The following LAMA3 variants were observed in gnomAD, a reference collection of about 807,000 sequenced individuals.
LAMA3 encodes the protein laminin subunit alpha-3.
Under a neutral mutation model 402.0 loss-of-function variants are expected in LAMA3, and 281 were observed. The observed-to-expected ratio is 0.70, with a 90% confidence interval of 0.63 to 0.77. The LOEUF is 0.77. Among genes scored for constraint, LAMA3 ranks in the 30% least tolerant of loss-of-function variants. LAMA3 has a pLI of 0.00. For missense variants in LAMA3, 3,840 were observed against 4,215.5 expected (o/e 0.91, Z 2.47); for synonymous variants, 1,431 against 1,558.4 (o/e 0.92, Z 1.93).
At chr18:23,822,689 G>A (rs573806107) in intron 20 of LAMA3, among the ~76,000 whole-genome samples, 4 of 152,334 alleles carry the variant, frequency 2.6e-5, no homozygotes, top group East Asian at 3.9e-4. Context: ...TCACAGTGAC[G>A]AGGGTGTCAC....
At chr18:23,804,845 C>T (rs376263332) in intron 12 of LAMA3, among the ~76,000 whole-genome samples, 3 of 152,260 alleles carry the variant, frequency 2.0e-5, no homozygotes, top group African/African-American at 7.2e-5. Flanking sequence ...GATACCTCCC[C>T]CTACCTTGCT....
chr18:23,901,484 A>G (rs926904519), intron 48 of LAMA3, among the ~76,000 whole-genome samples, 161 bp downstream of exon 48: 2 of 152,214 alleles, frequency 1.3e-5, no homozygotes, highest in Non-Finnish European at 2.9e-5. Flanking sequence ...GTGCAAAACC[A>G]TAGTTGTTTC....
intron 67 of LAMA3, among the ~76,000 whole-genome samples, chr18:23,937,323 G>T (rs145605041): frequency 8.1e-4 from 112 of 138,920 alleles, no homozygotes; most frequent in African/African-American, 3.0e-3. Context: ...CTGAGATCGC[G>T]CCACTGCACT....
At chr18:23,939,430 C>A (rs1339484057) in intron 68 of LAMA3, 44 bp downstream of exon 68, 2 of 1,591,346 alleles carry the variant, frequency 1.3e-6, no homozygotes, top group Admixed American at 1.7e-5. Flanking sequence ...CAGAACCTGA[C>A]TCTGCGATTC....
chr18:23,768,768 A>G (rs193280501), intron 8 of LAMA3, among the ~76,000 whole-genome samples: 1 of 152,364 alleles, frequency 6.6e-6, no homozygotes, highest in East Asian at 1.9e-4. Context: ...TTGGATAAAG[A>G]AAATGTGGTA....
At chr18:23,820,319 G>T (rs1398218506) in intron 19 of LAMA3, among the ~76,000 whole-genome samples, 2 of 152,154 alleles carry the variant, frequency 1.3e-5, no homozygotes, top group Non-Finnish European at 2.9e-5. Flanking sequence ...CCTAAATGAC[G>T]TTAGGCTGTA....
chr18:23,881,943 A>G lies in LAMA3; in HGVS notation c.5120A>G (p.Gln1707Arg), dbSNP rs138168899. ...CTGTTCACCTGTCCCCAGAACTGTCAGCACAACACCGCGGGAGAGCACTGT... is the reference window on the plus strand; with the variant it reads ...CTGTTCACCTGTCCCCAGAACTGTCGGCACAACACCGCGGGAGAGCACTGT... ...QDGSGICVNC[Q>R]HNTAGEHCER... The change falls in exon 40 of 75, where the codon CAG (glutamine) becomes CGG (arginine). Residue 1707 changes from glutamine (Q) to arginine (R), a missense_variant. Physicochemically the swap from Gln to Arg is conservative, Grantham distance 43. This residue lies in a region of LAMA3 where 2,109 missense variants were observed against 2,376.0 expected (regional missense o/e 0.89). Coordinates refer to ENST00000313654, the MANE Select transcript of LAMA3 (RefSeq NM_198129.4). 1.1e-4 allele frequency: 179 copies of G among 1,613,018 alleles called. No individual in the cohort carries two copies. In the African/African-American group the frequency reaches 2.2e-3, roughly 20 times the overall value.
chr18:23,785,192 C>T (rs374411788), intron 12 of LAMA3, among the ~76,000 whole-genome samples: 21 of 152,308 alleles, frequency 1.4e-4, no homozygotes, highest in Admixed American at 4.6e-4. Context: ...TATTTCCCAT[C>T]GGTCTAATCT....
intron 1 of LAMA3, among the ~76,000 whole-genome samples, chr18:23,701,106 G>C (rs2060782888): frequency 6.6e-6 from 1 of 152,244 alleles, no homozygotes; most frequent in Admixed American, 6.5e-5. Flanking sequence ...GCGGAGATTA[G>C]GAGAATGAGG....
intron 64 of LAMA3, among the ~76,000 whole-genome samples, chr18:23,929,899 A>T (rs1166403502): frequency 2.6e-5 from 4 of 152,214 alleles, no homozygotes; most frequent in Non-Finnish European, 4.4e-5. Flanking sequence ...AGGTTAGCAA[A>T]AGATTAGATC....
At chr18:23,864,185 C>T (rs2064294065) in intron 35 of LAMA3, among the ~76,000 whole-genome samples, 3 of 151,336 alleles carry the variant, frequency 2.0e-5, no homozygotes, top group South Asian at 2.1e-4. Flanking sequence ...AAAAGGAACA[C>T]GACTATTATT....
chr18:23,737,946 G>T (rs1364906962), intron 2 of LAMA3, among the ~76,000 whole-genome samples: 2 of 152,226 alleles, frequency 1.3e-5, no homozygotes, highest in African/African-American at 2.4e-5. Flanking sequence ...AGGCTCCAGG[G>T]GGCTGGGGTC....
rs1006732722 is a variant in LAMA3, at chr18:23,921,970, G to A, written c.8177+385G>A. Among the ~76,000 whole-genome samples, 14 of 152,346 alleles carry A rather than the reference G, an allele frequency of 9.2e-5. No individual in the cohort carries two copies. In the South Asian group the frequency reaches 2.3e-3, roughly 25 times the overall value. ...CATCCCTGGGGAACTGAAAGCTGAG[G>A]TTGCCACCTTCAGGGAGCCTCTGGA... On this transcript the variant is annotated intron_variant, in intron 62 of 74. Coordinates refer to ENST00000313654, the MANE Select transcript of LAMA3 (RefSeq NM_198129.4).
intron 65 of LAMA3, 179 bp downstream of exon 65, chr18:23,931,380 C>T: frequency 1.6e-6 from 1 of 625,600 alleles, no homozygotes; most frequent in East Asian, 2.9e-5. Context: ...TAAACTGCCA[C>T]ACATGGTGGC....
At chr18:23,831,214 C>T (rs2063484787) in intron 23 of LAMA3, among the ~76,000 whole-genome samples, 1 of 152,212 alleles carries the variant, frequency 6.6e-6, no homozygotes, top group South Asian at 2.1e-4. Flanking sequence ...CTATAGCCAG[C>T]ACTCACATTC....
At chr18:23,887,275 G>C (rs1032217157) in intron 41 of LAMA3, among the ~76,000 whole-genome samples, 1 of 152,138 alleles carries the variant, frequency 6.6e-6, no homozygotes, top group East Asian at 1.9e-4. Flanking sequence ...CTGCAATTAG[G>C]AGGTATATCC....
intron 1 of LAMA3, among the ~76,000 whole-genome samples, chr18:23,700,168 T>C (rs1195825047): frequency 6.6e-6 from 1 of 152,172 alleles, no homozygotes; most frequent in Non-Finnish European, 1.5e-5. Context: ...CTTTCGGGAA[T>C]GCCCTACTCT....
intron 62 of LAMA3, among the ~76,000 whole-genome samples, chr18:23,924,468 A>G (rs555871307): frequency 6.0e-5 from 9 of 150,874 alleles, no homozygotes; most frequent in African/African-American, 2.2e-4. Flanking sequence ...TTTCTTAGTA[A>G]CTTATTTTGG....
At position 23,847,650 on chromosome 18, in the gene LAMA3, G is replaced by A. The variant is rs767366608; in HGVS notation, c.4118G>A (p.Arg1373Gln). Residue 1373 changes from arginine to glutamine, a missense_variant, in exon 32 of 75, where the codon CGG becomes CAG. Arg to Gln is a conservative substitution (Grantham distance 43). Transcript: ENST00000313654. ...TIEAAMPECD[R>Q]DSGQCRCKPR... ...GAGGCTGCCATGCCGGAGTGTGACC[G>A]GGACAGCGGGCAGTGCAGGTGAGCT... is the stretch of plus-strand genomic sequence containing the variant. 5.0e-6 allele frequency: 8 copies of A among 1,613,632 alleles called. No homozygotes were observed. Among genetic ancestry groups the A allele is most frequent in the Non-Finnish European group, 5.9e-6 (7 of 1,179,974 alleles).
Sources: allele counts gnomAD v4.1 joint callset (sites outside exome capture counted in the v4.1 genomes callset), GRCh38; gene constraint gnomAD v4.1.1; regional missense constraint gnomAD v4.1.1; transcripts MANE v1.5; gene names NCBI Gene and HGNC (gene_info 2026-07-23, HGNC 2026-07-21).